The following MCOLN2 variants were observed in gnomAD, a reference collection of about 807,000 sequenced individuals.
MCOLN2 encodes the protein mucolipin-2.
A neutral mutation model predicts 67.5 loss-of-function variants in MCOLN2; 57 were observed. The observed-to-expected ratio is 0.84, with a 90% CI of 0.68 to 1.05. The LOEUF is 1.05. Among genes scored for constraint, MCOLN2 ranks in the 50% least tolerant of loss-of-function variants. MCOLN2 has a pLI of 0.00. For synonymous variants in MCOLN2, 246 were observed against 233.3 expected (o/e 1.05, Z -0.50); for missense variants, 620 against 678.8 (o/e 0.91, Z 0.96).
intron 2 of MCOLN2, among the ~76,000 whole-genome samples, chr1:84,964,252 A>C (rs1649253362): frequency 6.6e-6 from 1 of 152,232 alleles, no homozygotes; most frequent in East Asian, 1.9e-4. Context: ...CACAGAATAA[A>C]GAAGCAACTC....
rs537540702 is a variant in MCOLN2 at position 84,969,995 on chromosome 1, G to A, written c.78-4287C>T. Among the ~76,000 whole-genome samples, 110 of 152,254 alleles carry A rather than the reference G, an allele frequency of 7.2e-4. No individual in the cohort carries two copies. The Middle Eastern group carries it at 0.014, about 19-fold the overall frequency. Reference sequence around the variant, plus strand: ...AGGGAGGCATTTCCAAGAAAAAGGTGCATCTTAACTGTGCCTGAGAGCAAC... The same window carrying A: ...AGGGAGGCATTTCCAAGAAAAAGGTACATCTTAACTGTGCCTGAGAGCAAC... On this transcript the variant is annotated intron_variant, in intron 1 of 13. Coordinates refer to ENST00000370608, the MANE Select transcript of MCOLN2 (RefSeq NM_153259.4).
rs1002507654 is a variant in MCOLN2, at chr1:84,952,359, A to G, written c.651-20T>C. On this transcript the variant is annotated intron_variant, in intron 5 of 13. Coordinates refer to ENST00000370608, the MANE Select transcript of MCOLN2 (RefSeq NM_153259.4). ...AAGAGCCTGAATAAAATATATTGAA[A>G]GGTATAAATTGTCATAATCTTACTA... The G allele has an allele frequency of 2.5e-6, 4 of 1,597,806 alleles. No individual in the cohort carries two copies. Among genetic ancestry groups the G allele is most frequent in the Non-Finnish European group, 3.4e-6 (4 of 1,165,726 alleles).
At chr1:84,990,377 C>T (rs866486203) in intron 1 of MCOLN2, among the ~76,000 whole-genome samples, 2 of 145,504 alleles carry the variant, frequency 1.4e-5, no homozygotes, top group Non-Finnish European at 3.0e-5. Flanking sequence ...CAGCATGGCA[C>T]ATGTATACAT....
intron 1 of MCOLN2, among the ~76,000 whole-genome samples, chr1:84,995,806 T>TTAAA (rs1553159763): frequency 1.5e-4 from 22 of 150,352 alleles, no homozygotes; most frequent in Non-Finnish European, 2.5e-4. Context: ...TCTATTTTTT[T>TTAAA]AAAAAAAAAC....
At position 84,954,677 on chromosome 1, in the gene MCOLN2, T is replaced by C. The variant is rs544235908; in HGVS notation, c.565+1754A>G. Among the ~76,000 whole-genome samples, 50 of 152,224 alleles carry C rather than the reference T, an allele frequency of 3.3e-4. No homozygotes were observed. In the Middle Eastern group the frequency reaches 0.014, roughly 41 times the overall value. On this transcript the variant is annotated intron_variant, in intron 4 of 13. Coordinates refer to ENST00000370608, the MANE Select transcript of MCOLN2 (RefSeq NM_153259.4). The stretch of plus-strand genomic sequence containing the variant: ...GAGCTCAACCAGTGCACTGAGGAGG[T>C]TGACCTCTGAGCACATATTTTAGAA...
At chr1:84,988,874 C>T (rs981586760) in intron 1 of MCOLN2, among the ~76,000 whole-genome samples, 2 of 152,124 alleles carry the variant, frequency 1.3e-5, no homozygotes, top group East Asian at 1.9e-4. Context: ...GGACAGTCCC[C>T]GCTCTGCACA....
At chr1:84,996,718 T>C in intron 1 of MCOLN2, 78 bp downstream of exon 1, 1 of 1,293,992 alleles carries the variant, frequency 7.7e-7, no homozygotes, top group Non-Finnish European at 1.1e-6. Flanking sequence ...CAAGCTCTAG[T>C]CTACGAAAGT....
intron 1 of MCOLN2, among the ~76,000 whole-genome samples, chr1:84,977,103 T>A (rs1021614537): frequency 6.6e-6 from 1 of 150,866 alleles, no homozygotes; most frequent in Admixed American, 6.6e-5. Context: ...GGGGAGACGA[T>A]GTTAAGGCAT....
intron 6 of MCOLN2, 72 bp from the exon 7 acceptor site, chr1:84,947,204 A>G (rs1426664254): frequency 1.2e-6 from 1 of 811,358 alleles, no homozygotes; most frequent in Non-Finnish European, 2.1e-6. Context: ...ATCTGCTTAA[A>G]AAAAAAATCA....
chr1:84,932,346 G>T (rs938721043), intron 11 of MCOLN2, among the ~76,000 whole-genome samples: 1 of 151,962 alleles, frequency 6.6e-6, no homozygotes, highest in African/African-American at 2.4e-5. Flanking sequence ...CAAATAGATG[G>T]GATTACAGGT....
At chr1:84,959,020 T>G (rs1648942335) in intron 2 of MCOLN2, among the ~76,000 whole-genome samples, 1 of 152,204 alleles carries the variant, frequency 6.6e-6, no homozygotes, top group African/African-American at 2.4e-5. Context: ...TATTTGGATT[T>G]CAAGTTAATT....
At chr1:84,966,321 AT>A (rs1649381349) in intron 1 of MCOLN2, among the ~76,000 whole-genome samples, 1 of 152,134 alleles carries the variant, frequency 6.6e-6, no homozygotes. Flanking sequence ...TAAAAATTGG[AT>A]TTTACTTACA....
chr1:84,995,481 G>A (rs1464858947), intron 1 of MCOLN2, among the ~76,000 whole-genome samples: 2 of 152,120 alleles, frequency 1.3e-5, no homozygotes, highest in Non-Finnish European at 2.9e-5. Context: ...ACTGACACAC[G>A]GAACTTAGAC....
intron 1 of MCOLN2, among the ~76,000 whole-genome samples, chr1:84,986,113 G>A (rs1650493466): frequency 1.3e-5 from 2 of 152,158 alleles, no homozygotes; most frequent in Admixed American, 1.3e-4. Context: ...CAATGGAACA[G>A]AATAGAGAAC....
At chr1:84,947,887 T>C (rs1217569626) in intron 6 of MCOLN2, among the ~76,000 whole-genome samples, 1 of 152,242 alleles carries the variant, frequency 6.6e-6, no homozygotes, top group Non-Finnish European at 1.5e-5. Context: ...AGCCTAGACC[T>C]GATGGAACAT....
chr1:84,927,173 A>G (rs1368583112), intron 13 of MCOLN2, among the ~76,000 whole-genome samples: 2 of 151,672 alleles, frequency 1.3e-5, no homozygotes, highest in Non-Finnish European at 2.9e-5. Context: ...CTGCACGTTC[A>G]GCACATGTAT....
chr1:84,937,517 AG>A, intron 11 of MCOLN2: 1 of 1,051,732 alleles, frequency 9.5e-7, no homozygotes, highest in African/African-American at 1.6e-5. Context: ...CCCTTAAGCC[AG>A]TCCCAGACAA....
intron 1 of MCOLN2, among the ~76,000 whole-genome samples, chr1:84,981,835 G>C (rs1290117181): frequency 6.6e-6 from 1 of 152,060 alleles, no homozygotes; most frequent in African/African-American, 2.4e-5. Flanking sequence ...GTAACACAAA[G>C]GATAAATGCT....
chr1:84,927,155 T>C (rs1477727071), intron 13 of MCOLN2, among the ~76,000 whole-genome samples: 1 of 151,126 alleles, frequency 6.6e-6, no homozygotes, highest in Non-Finnish European at 1.5e-5. Context: ...CATGTGTACC[T>C]ATGTAACCTG....
Sources: allele counts gnomAD v4.1 joint callset (sites outside exome capture counted in the v4.1 genomes callset), GRCh38; gene constraint gnomAD v4.1.1; transcripts MANE v1.5; gene names NCBI Gene and HGNC (gene_info 2026-07-23, HGNC 2026-07-21).